The following BTBD9 variants were observed in gnomAD, a reference collection of about 807,000 sequenced individuals.
The protein encoded by BTBD9 is BTB/POZ domain-containing protein 9.
In BTBD9, 49 loss-of-function variants were observed where a neutral mutation model predicts 64.3. The ratio of observed to expected loss-of-function variants is 0.76; its 90% CI spans 0.61 to 0.97. The LOEUF (loss-of-function observed/expected upper bound fraction) is 0.97, where lower values mean the gene tolerates loss of function less well. BTBD9 is among the 50% of genes least tolerant of loss of function. BTBD9 has a pLI of 0.00. For synonymous variants in BTBD9, 260 were observed against 274.7 expected (o/e 0.95, Z 0.53); for missense variants, 598 against 762.1 (o/e 0.78, Z 2.53).
chr6:38,386,030 G>C (rs1362288735), intron 6 of BTBD9, among the ~76,000 whole-genome samples: 2 of 152,098 alleles, frequency 1.3e-5, no homozygotes, highest in East Asian at 3.9e-4. Context: ...CTGGCCTCAA[G>C]TGATCCACCC....
chr6:38,346,871 G>T (rs1457947284), intron 6 of BTBD9, among the ~76,000 whole-genome samples: 1 of 152,124 alleles, frequency 6.6e-6, no homozygotes. Context: ...ACCTTGGAGG[G>T]AATAGAGGGA....
chr6:38,230,146 A>G (rs949509867), intron 9 of BTBD9, among the ~76,000 whole-genome samples: 2 of 152,168 alleles, frequency 1.3e-5, no homozygotes, highest in South Asian at 2.1e-4. Context: ...ACAGTTCCAT[A>G]TTTAGCCCCC....
At chr6:38,600,420 G>T (rs539894194) in intron 1 of BTBD9, among the ~76,000 whole-genome samples, 1 of 152,172 alleles carries the variant, frequency 6.6e-6, no homozygotes, top group Non-Finnish European at 1.5e-5. Flanking sequence ...CAGACTGGGA[G>T]TTTTTTTGTT....
chr6:38,348,832 G>A (rs1764388966), intron 6 of BTBD9, among the ~76,000 whole-genome samples: 2 of 152,144 alleles, frequency 1.3e-5, no homozygotes, highest in African/African-American at 4.8e-5. Context: ...GACACAATGT[G>A]GCTTTTAGCA....
intron 6 of BTBD9, among the ~76,000 whole-genome samples, chr6:38,574,049 T>C (rs906664440): frequency 2.6e-5 from 4 of 152,242 alleles, no homozygotes; most frequent in Admixed American, 6.5e-5. Flanking sequence ...TGAGTCACTT[T>C]TCTCCATCTC....
chr6:38,503,608 C>T (rs1337892269), intron 6 of BTBD9, among the ~76,000 whole-genome samples: 1 of 152,128 alleles, frequency 6.6e-6, no homozygotes, highest in African/African-American at 2.4e-5. Context: ...TGCAACTCTC[C>T]CTGCCCTTTC....
intron 6 of BTBD9, among the ~76,000 whole-genome samples, chr6:38,528,251 T>C (rs917772547): frequency 2.0e-4 from 31 of 152,008 alleles, no homozygotes; most frequent in African/African-American, 7.0e-4. Flanking sequence ...CAGAAAGAAA[T>C]TGCCCACCCC....
chr6:38,433,019 T>G (rs1329861339), intron 6 of BTBD9, among the ~76,000 whole-genome samples: 2 of 151,914 alleles, frequency 1.3e-5, no homozygotes, highest in African/African-American at 4.9e-5. Flanking sequence ...TCTCAGATAT[T>G]CTGTTATAGC....
intron 10 of BTBD9, among the ~76,000 whole-genome samples, chr6:38,185,945 A>C (rs1238862331): frequency 1.3e-5 from 2 of 152,144 alleles, no homozygotes; most frequent in Non-Finnish European, 1.5e-5. Context: ...ATGGACGCTC[A>C]TGGTGTCCCG....
At chr6:38,630,667 G>A (rs1778332110) in intron 1 of BTBD9, among the ~76,000 whole-genome samples, 1 of 152,184 alleles carries the variant, frequency 6.6e-6, no homozygotes, top group Admixed American at 6.5e-5. Context: ...GAGTTAAGCA[G>A]GTAATTTATA....
intron 6 of BTBD9, among the ~76,000 whole-genome samples, chr6:38,545,880 A>G (rs140379622): frequency 5.2e-4 from 78 of 150,178 alleles, no homozygotes; most frequent in African/African-American, 1.9e-3. Flanking sequence ...ACACACACAC[A>G]CACACACACA....
intron 7 of BTBD9, among the ~76,000 whole-genome samples, chr6:38,339,685 G>A (rs9349071): frequency 0.061 from 9,245 of 152,206 alleles, 749 homozygotes; most frequent in East Asian, 0.37. Context: ...GAGGTAGAGA[G>A]GGCAGGAATA....
intron 6 of BTBD9, among the ~76,000 whole-genome samples, chr6:38,528,373 A>C (rs955568058): frequency 6.6e-6 from 1 of 152,150 alleles, no homozygotes; most frequent in African/African-American, 2.4e-5. Context: ...ATGTCTATGC[A>C]AGTCCTGGTG....
intron 1 of BTBD9, among the ~76,000 whole-genome samples, chr6:38,628,653 C>T (rs1195041117): frequency 2.6e-5 from 4 of 152,024 alleles, no homozygotes. Context: ...GTGGAATACA[C>T]ATACATTGAA....
At chr6:38,618,224 A>G (rs865929809) in intron 1 of BTBD9, among the ~76,000 whole-genome samples, 28 of 152,224 alleles carry the variant, frequency 1.8e-4, no homozygotes, top group Admixed American at 7.9e-4. Flanking sequence ...AAACCTGAAA[A>G]AGCAGCAGCT....
At position 38,300,565 on chromosome 6, in the gene BTBD9, G is replaced by T. The variant is rs564920241; in HGVS notation, c.1265-12104C>A. The stretch of plus-strand genomic sequence containing the variant: ...AGTGGTTTGTAGTTCTCCTTGAAGA[G>T]GTCCTTCACATCCCTTGTAAGTTGG... On this transcript the variant is annotated intron_variant, in intron 7 of 10. Transcript: ENST00000481247. Among the ~76,000 whole-genome samples, 975 of 149,742 alleles carry T rather than the reference G, an allele frequency of 6.5e-3. 7 individuals are homozygous for T. Among genetic ancestry groups the T allele is most frequent in the African/African-American group, 0.023 (924 of 40,598 alleles).
chr6:38,378,085 C>T (rs900203349), intron 6 of BTBD9, among the ~76,000 whole-genome samples: 10 of 152,098 alleles, frequency 6.6e-5, no homozygotes, highest in African/African-American at 2.4e-4. Context: ...ATGGCTCCGC[C>T]CCGTCCTCCC....
intron 9 of BTBD9, among the ~76,000 whole-genome samples, chr6:38,199,289 G>A (rs140691007): frequency 9.5e-4 from 145 of 152,228 alleles, no homozygotes; most frequent in African/African-American, 3.3e-3. Context: ...TCAGGCCCCC[G>A]TGATACAGTC....
intron 6 of BTBD9, among the ~76,000 whole-genome samples, chr6:38,545,006 G>C (rs1774468805): frequency 6.7e-6 from 1 of 150,220 alleles, no homozygotes; most frequent in African/African-American, 2.4e-5. Context: ...TGAGAGGTAA[G>C]AGGAAGCCAG....
Sources: gnomAD v4.1 joint callset for allele counts (sites outside exome capture counted in the v4.1 genomes callset) on GRCh38, gnomAD v4.1.1 for gene constraint, MANE v1.5 for transcripts, NCBI Gene and HGNC (gene_info 2026-07-23, HGNC 2026-07-21) for gene names.